Variants in INTU observed in about 807,000 individuals in gnomAD.
The protein encoded by INTU is inturned planar cell polarity protein, also known as protein inturned.
INTU carries 68 observed loss-of-function variants against 100.5 expected under a neutral mutation model. The ratio of observed to expected loss-of-function variants is 0.68; its 90% CI spans 0.56 to 0.83. The LOEUF is 0.83. Among genes scored for constraint, INTU ranks in the 40% least tolerant of loss-of-function variants. INTU has a pLI of 0.00. For missense variants in INTU, 1,071 were observed against 1,114.7 expected (o/e 0.96, Z 0.56); for synonymous variants, 357 against 395.7 (o/e 0.90, Z 1.16).
intron 2 of INTU, among the ~76,000 whole-genome samples, chr4:127,644,831 A>G (rs1443965231): frequency 1.3e-5 from 2 of 152,266 alleles, no homozygotes; most frequent in Non-Finnish European, 2.9e-5. Flanking sequence ...AGAGGTTTAA[A>G]TGAAGAACAT....
intron 6 of INTU, chr4:127,675,801 A>G (rs1729148664): frequency 5.8e-6 from 1 of 170,958 alleles, no homozygotes; most frequent in East Asian, 1.6e-4. Flanking sequence ...GCGAGCCAAA[A>G]GACAGAAAGA....
At position 127,643,866 on chromosome 4, in the gene INTU, T is replaced by C. The variant is rs1320364446; in HGVS notation, c.492T>C (p.Tyr164=). Residue 164 remains tyrosine (Y), a synonymous_variant, in exon 2 of 16, where the codon TAT becomes TAC. Transcript: ENST00000335251. The stretch of plus-strand genomic sequence containing the variant: ...AGCGATACAAAGATGTGAATGTTTA[T>C]GTAAACCCCAAAAAGCTAACTGTTA... The part of the protein sequence containing the change: ...VQQRYKDVNV[Y]VNPKKLTVIK... 1.9e-6 allele frequency: 3 copies of C among 1,613,996 alleles called. No individual in the cohort carries two copies. Among genetic ancestry groups the C allele is most frequent in the South Asian group, 1.1e-5 (1 of 91,084 alleles).
At chr4:127,639,810 C>T (rs1352678375) in intron 1 of INTU, among the ~76,000 whole-genome samples, 1 of 152,050 alleles carries the variant, frequency 6.6e-6, no homozygotes, top group African/African-American at 2.4e-5. Flanking sequence ...TTGAAATATA[C>T]ACTATAATAT....
intron 5 of INTU, among the ~76,000 whole-genome samples, chr4:127,670,855 A>C (rs531950675): frequency 6.6e-6 from 1 of 152,196 alleles, no homozygotes; most frequent in African/African-American, 2.4e-5. Context: ...AAAAATATAC[A>C]CTGGGGAAAG....
chr4:127,659,717 T>C (rs1217890826), intron 3 of INTU, among the ~76,000 whole-genome samples: 1 of 152,130 alleles, frequency 6.6e-6, no homozygotes, highest in African/African-American at 2.4e-5. Flanking sequence ...TTTCATTTAG[T>C]ACTGGGCCAT....
intron 6 of INTU, among the ~76,000 whole-genome samples, chr4:127,678,081 C>T (rs1441120993): frequency 1.3e-5 from 2 of 152,128 alleles, no homozygotes; most frequent in East Asian, 3.8e-4. Context: ...AACAAAGCCT[C>T]CAAGAAATAT....
At chr4:127,700,097 A>C in intron 9 of INTU, 34 bp downstream of exon 9, 1 of 1,506,948 alleles carries the variant, frequency 6.6e-7, no homozygotes, top group Non-Finnish European at 9.1e-7. Context: ...AAAAGGCTCA[A>C]TGTTGAATTA....
At chr4:127,651,293 C>T (rs558404792) in intron 2 of INTU, among the ~76,000 whole-genome samples, 2 of 152,238 alleles carry the variant, frequency 1.3e-5, no homozygotes, top group East Asian at 1.9e-4. Flanking sequence ...AGTCCTTACC[C>T]GTGCCTATGT....
intron 15 of INTU, among the ~76,000 whole-genome samples, chr4:127,714,539 A>G (rs992756401): frequency 2.6e-5 from 4 of 151,860 alleles, no homozygotes; most frequent in Admixed American, 6.6e-5. Context: ...GCACCAATCA[A>G]ATCTTGTTTC....
intron 3 of INTU, among the ~76,000 whole-genome samples, chr4:127,658,484 T>G (rs899095983): frequency 1.3e-5 from 2 of 152,218 alleles, no homozygotes; most frequent in Non-Finnish European, 2.9e-5. Context: ...CAGCAGCTAC[T>G]TATTGATTAA....
intron 6 of INTU, chr4:127,675,858 A>G (rs1417390185): frequency 1.5e-5 from 4 of 272,242 alleles, no homozygotes; most frequent in Non-Finnish European, 7.9e-6. Flanking sequence ...AAAGTGATAC[A>G]CTGCCATTTC....
At chr4:127,716,189 A>G (rs190183495) in intron 15 of INTU, 136 bp from the exon 16 acceptor site, 2 of 488,838 alleles carry the variant, frequency 4.1e-6, no homozygotes, top group East Asian at 6.3e-5. Flanking sequence ...CTTTCTCCCT[A>G]GTATAGATTT....
chr4:127,720,079 C>T lies in INTU; in HGVS notation c.*3643C>T, dbSNP rs990467575. ...TCTTTTAGTTGTGATACTAGGGTGT[C>T]GATTTGAGATCTTTCTAGCTTTTTG... is the stretch of plus-strand genomic sequence containing the variant. On this transcript the variant is annotated 3_prime_UTR_variant, in exon 16 of 16. Coordinates refer to ENST00000335251, the MANE Select transcript of INTU (RefSeq NM_015693.4). 5 of 151,932 alleles carry T rather than the reference C, an allele frequency of 3.3e-5. No homozygotes were observed. Among genetic ancestry groups the T allele is most frequent in the South Asian group, 4.2e-4 (2 of 4,810 alleles). 9.4% of individuals were successfully genotyped at this position (151,932 alleles called of 1,614,324 possible).
intron 7 of INTU, among the ~76,000 whole-genome samples, chr4:127,684,958 GT>G (rs1729749451): frequency 1.3e-5 from 2 of 151,814 alleles, no homozygotes; most frequent in South Asian, 4.1e-4. Context: ...ATACATTTTT[GT>G]GTTTTTCTTT....
chr4:127,640,759 G>C (rs1052873357), intron 1 of INTU, among the ~76,000 whole-genome samples: 1 of 151,102 alleles, frequency 6.6e-6, no homozygotes, highest in Non-Finnish European at 1.5e-5. Flanking sequence ...TGTTAAGTGA[G>C]AAATTATATA....
At chr4:127,704,942 A>AG (rs1730814509) in intron 10 of INTU, among the ~76,000 whole-genome samples, 1 of 151,966 alleles carries the variant, frequency 6.6e-6, no homozygotes, top group African/African-American at 2.4e-5. Flanking sequence ...ACAAAAAAAA[A>AG]TTATCTGGGT....
intron 2 of INTU, among the ~76,000 whole-genome samples, chr4:127,651,158 T>C (rs1467069490): frequency 2.6e-5 from 4 of 152,014 alleles, no homozygotes; most frequent in African/African-American, 9.6e-5. Flanking sequence ...TTTTCTCCCA[T>C]TTTGTAGGTT....
intron 12 of INTU, 145 bp from the exon 13 acceptor site, chr4:127,708,426 A>G (rs1425421501): frequency 1.2e-4 from 66 of 559,372 alleles, no homozygotes; most frequent in Non-Finnish European, 9.8e-6. Context: ...ATAAGCCAAG[A>G]GGTACAAGTT....
At chr4:127,641,366 T>C (rs1727325480) in intron 1 of INTU, among the ~76,000 whole-genome samples, 1 of 152,174 alleles carries the variant, frequency 6.6e-6, no homozygotes, top group Non-Finnish European at 1.5e-5. Context: ...ATTCCCCACC[T>C]TCCGCATTTA....
Sources: gnomAD v4.1 joint callset for allele counts (sites outside exome capture counted in the v4.1 genomes callset) on GRCh38, gnomAD v4.1.1 for gene constraint, MANE v1.5 for transcripts, NCBI Gene and HGNC (gene_info 2026-07-23, HGNC 2026-07-21) for gene names.